The following PARD3B variants were observed in gnomAD, a reference collection of about 807,000 sequenced individuals.
PARD3B encodes partitioning defective 3 homolog B.
A neutral mutation model predicts 130.2 loss-of-function variants in PARD3B; 103 were observed. That is an observed-to-expected ratio of 0.79 (90% CI 0.67 to 0.93). PARD3B has a LOEUF of 0.93. Ranked by LOEUF, PARD3B falls within the 40% of genes least tolerant of loss-of-function variation. PARD3B has a pLI of 0.00. For synonymous variants in PARD3B, 583 were observed against 553.2 expected, an observed-to-expected ratio of 1.05 and a Z score of -0.76; for missense variants, 1,609 against 1,499.2, an observed-to-expected ratio of 1.07 and a Z score of -1.21.
intron 13 of PARD3B, among the ~76,000 whole-genome samples, chr2:205,181,308 C>T (rs550946614): frequency 3.9e-5 from 6 of 152,330 alleles, no homozygotes; most frequent in South Asian, 2.1e-4. Context: ...TAAAGCACTA[C>T]GTCTGGAATG....
chr2:205,420,913 C>T (rs572304900), intron 19 of PARD3B, among the ~76,000 whole-genome samples: 105 of 152,198 alleles, frequency 6.9e-4, no homozygotes, highest in African/African-American at 2.0e-3. Context: ...GAGGCCCAGG[C>T]GGGCAGATCA....
intron 1 of PARD3B, among the ~76,000 whole-genome samples, chr2:204,653,005 C>T (rs995408605): frequency 1.3e-5 from 2 of 150,990 alleles, no homozygotes; most frequent in African/African-American, 5.0e-5. Flanking sequence ...CCTCTCCCGA[C>T]ACATGGGGAT....
At chr2:204,642,287 G>A (rs2035103543) in intron 1 of PARD3B, among the ~76,000 whole-genome samples, 1 of 152,210 alleles carries the variant, frequency 6.6e-6, no homozygotes, top group Admixed American at 6.5e-5. Context: ...CTGGAGAGAA[G>A]CTGTGTCACT....
chr2:204,941,235 G>T (rs182448573), intron 2 of PARD3B, among the ~76,000 whole-genome samples: 1 of 152,140 alleles, frequency 6.6e-6, no homozygotes, highest in Non-Finnish European at 1.5e-5. Context: ...TTAGCAGGGC[G>T]TGGTGGCACG....
At position 205,592,549 on chromosome 2, in the gene PARD3B, A is replaced by G. The variant is rs1559250271; in HGVS notation, c.3261-22907A>G. Among the ~76,000 whole-genome samples the G allele has an allele frequency of 2.0e-5, 3 of 152,218 alleles. No homozygotes were observed. Among genetic ancestry groups the G allele is most frequent in the African/African-American group, 7.2e-5 (3 of 41,454 alleles). On this transcript the variant is annotated intron_variant, in intron 22 of 22. Coordinates refer to ENST00000406610, the MANE Select transcript of PARD3B (RefSeq NM_001302769.2). The surrounding 1 kb of genome is among the most constrained non-coding windows in gnomAD (Gnocchi z 4.5). ...GCTCACAGTTCGTTGGAGACACCAG[A>G]AAACAGGTGATTAAATACAATGGTT...
intron 2 of PARD3B, among the ~76,000 whole-genome samples, chr2:204,722,813 T>G (rs2125323284): frequency 6.6e-6 from 1 of 152,272 alleles, no homozygotes; most frequent in Non-Finnish European, 1.5e-5. Flanking sequence ...GACACTGTCC[T>G]GCAGCTCCCT....
At chr2:205,454,980 TACA>T (rs1313711496) in intron 20 of PARD3B, among the ~76,000 whole-genome samples, 6 of 152,132 alleles carry the variant, frequency 3.9e-5, no homozygotes, top group Admixed American at 6.6e-5. Flanking sequence ...TGATATTATA[TACA>T]ACATTTATAT....
At chr2:205,332,722 G>A (rs1487700016) in intron 18 of PARD3B, among the ~76,000 whole-genome samples, 37 of 152,114 alleles carry the variant, frequency 2.4e-4, no homozygotes, top group Non-Finnish European at 2.9e-5. Flanking sequence ...AGTATGAGGA[G>A]GAGGGTGCAG....
chr2:205,286,366 A>G (rs1368590782), intron 16 of PARD3B, among the ~76,000 whole-genome samples: 13 of 152,180 alleles, frequency 8.5e-5, no homozygotes, highest in Admixed American at 7.9e-4. Flanking sequence ...TATCATCATC[A>G]TTATCATCAT....
At chr2:204,632,491 ATTG>A (rs1457907537) in intron 1 of PARD3B, among the ~76,000 whole-genome samples, 11 of 151,650 alleles carry the variant, frequency 7.3e-5, no homozygotes, top group African/African-American at 2.4e-4. Flanking sequence ...GGTTTTTTAA[ATTG>A]TTGTTGTTTG....
At chr2:204,891,273 C>T (rs1336329214) in intron 2 of PARD3B, among the ~76,000 whole-genome samples, 4 of 151,182 alleles carry the variant, frequency 2.6e-5, no homozygotes, top group Non-Finnish European at 4.4e-5. Flanking sequence ...ATTAGCATTA[C>T]GATACTGTGA....
chr2:204,623,671 T>C lies in PARD3B; in HGVS notation c.121-62510T>C, dbSNP rs2034382661. On this transcript the variant is annotated intron_variant, in intron 1 of 22. Coordinates refer to ENST00000406610, the MANE Select transcript of PARD3B (RefSeq NM_001302769.2). This position sits in a 1 kb window ranked among gnomAD's most constrained non-coding sequence, Gnocchi z 4.5. ...GTAAGAACACTTAACATGAGATCTG[T>C]CCTCTTAACACTTTTGAACACATTT... is the stretch of plus-strand genomic sequence containing the variant. 6.6e-6 allele frequency among the ~76,000 whole-genome samples: 1 copy of C among 152,152 alleles called. No individual in the cohort carries two copies.
intron 22 of PARD3B, among the ~76,000 whole-genome samples, chr2:205,586,373 C>G (rs1372280451): frequency 6.6e-6 from 1 of 152,148 alleles, no homozygotes; most frequent in Non-Finnish European, 1.5e-5. Context: ...TGTCAACTTA[C>G]CATAATTCTT....
rs2043515928 is a variant in PARD3B at position 205,341,197 on chromosome 2, A to G, written c.2630+39496A>G. ...GAAACAGTATAGTGGTTTAAAATCT[A>G]TATTAAAATTAGGACTGCCATGCAA... On this transcript the variant is annotated intron_variant, in intron 18 of 22. Coordinates refer to ENST00000406610, the MANE Select transcript of PARD3B (RefSeq NM_001302769.2). The surrounding 1 kb of genome is among the most constrained non-coding windows in gnomAD (Gnocchi z 4.3). Among the ~76,000 whole-genome samples, 1 of 152,144 alleles carries G rather than the reference A, an allele frequency of 6.6e-6. No homozygotes were observed. The highest frequency in any genetic ancestry group is 6.5e-5 in the Admixed American group (1 of 15,268).
chr2:205,183,143 C>T lies in PARD3B; in HGVS notation c.1925-2621C>T, dbSNP rs1231455734. Among the ~76,000 whole-genome samples the T allele has an allele frequency of 1.3e-5, 2 of 152,072 alleles. No homozygotes were observed. Among genetic ancestry groups the T allele is most frequent in the Admixed American group, 6.5e-5 (1 of 15,268 alleles). The stretch of plus-strand genomic sequence containing the variant: ...CCTTGGGAGAAGGGTAGGATTTTGA[C>T]AGGTAGAGTAGGTTTTGCAGTTACA... On this transcript the variant is annotated intron_variant, in intron 13 of 22. Transcript: ENST00000406610. This position sits in a 1 kb window ranked among gnomAD's most constrained non-coding sequence, Gnocchi z 5.2.
At chr2:205,529,515 T>C (rs2051486498) in intron 21 of PARD3B, among the ~76,000 whole-genome samples, 1 of 152,176 alleles carries the variant, frequency 6.6e-6, no homozygotes, top group Non-Finnish European at 1.5e-5. Context: ...TTTTCTTTGC[T>C]TACTTTTTTT....
chr2:204,959,744 G>T (rs1289891357), intron 2 of PARD3B, among the ~76,000 whole-genome samples: 1 of 152,182 alleles, frequency 6.6e-6, no homozygotes, highest in African/African-American at 2.4e-5. Flanking sequence ...AGTTTCAGAT[G>T]TTCCTTTCAG....
At chr2:205,004,443 T>G (rs893227511) in intron 3 of PARD3B, among the ~76,000 whole-genome samples, 58 of 152,346 alleles carry the variant, frequency 3.8e-4, no homozygotes, top group African/African-American at 1.3e-3. Flanking sequence ...TCATTTCAAT[T>G]CAGGCCCTAA....
intron 2 of PARD3B, among the ~76,000 whole-genome samples, chr2:204,740,168 T>G (rs2039943654): frequency 6.6e-6 from 1 of 151,510 alleles, no homozygotes; most frequent in Non-Finnish European, 1.5e-5. Context: ...TGTGCTATCA[T>G]GCCTGGCTAA....
Sources: allele counts gnomAD v4.1 joint callset (sites outside exome capture counted in the v4.1 genomes callset), GRCh38; gene constraint gnomAD v4.1.1; non-coding constraint Gnocchi (gnomAD v3.1); transcripts MANE v1.5; gene names NCBI Gene and HGNC (gene_info 2026-07-23, HGNC 2026-07-21).